The following CTNND1 variants were observed in gnomAD, a reference collection of about 807,000 sequenced individuals.
CTNND1 encodes the protein catenin delta-1.
CTNND1 carries 16 observed loss-of-function variants against 112.1 expected under a neutral mutation model. The observed-to-expected ratio is 0.14, with a 90% CI of 0.10 to 0.22. CTNND1 has a LOEUF of 0.22. Ranked by LOEUF, CTNND1 falls within the 10% of genes least tolerant of loss-of-function variation. The probability of loss-of-function intolerance (pLI) is 1.00; values close to 1 mark genes in which losing one functional copy is unlikely to be tolerated. For synonymous variants in CTNND1, 420 were observed against 446.5 expected, an observed-to-expected ratio of 0.94 and a Z score of 0.75; for missense variants, 1,008 against 1,257.0, an observed-to-expected ratio of 0.80 and a Z score of 3.00.
chr11:57,816,437 C>T lies in CTNND1; in HGVS notation c.*129C>T. 3 of 1,139,412 alleles carry T rather than the reference C, an allele frequency of 2.6e-6. No homozygotes were observed. In the South Asian group the frequency reaches 3.9e-5, roughly 15 times the overall value. 70.6% of individuals were successfully genotyped at this position (1,139,412 alleles called of 1,614,324 possible). ...GCCAGGCTGCCTCCTGCCCTTACAG[C>T]CCTAAGTGGCTGCCTTCTTTCCATC... On this transcript the variant is annotated 3_prime_UTR_variant, in exon 21 of 21. Transcript: ENST00000399050.
At chr11:57,792,812 C>A (rs2060911431) in intron 3 of CTNND1, among the ~76,000 whole-genome samples, 1 of 149,358 alleles carries the variant, frequency 6.7e-6, no homozygotes, top group Non-Finnish European at 1.5e-5. Flanking sequence ...TACGCGTGAG[C>A]TACTGCACCC....
intron 1 of CTNND1, among the ~76,000 whole-genome samples, chr11:57,786,096 G>A (rs1241740633): frequency 6.6e-6 from 1 of 151,810 alleles, no homozygotes; most frequent in African/African-American, 2.4e-5. Context: ...CTTATTGAGA[G>A]TAAAACTAGG....
rs139700209 is a variant in CTNND1, at chr11:57,797,061, A to C, written c.956+69A>C. ...GGGACAAGGGGTAGCTTTTCCTTCA[A>C]CTTCTAGGGGCTTTTTGGGATCAGA... On this transcript the variant is annotated intron_variant, in intron 6 of 20. Coordinates refer to ENST00000399050, the MANE Select transcript of CTNND1 (RefSeq NM_001085458.2). The C allele has an allele frequency of 3.8e-6, 5 of 1,331,446 alleles. No individual in the cohort carries two copies. In the East Asian group the frequency reaches 1.2e-4, roughly 33 times the overall value. The allele number at this position is 1,331,446 out of a possible 1,614,324, so 82.5% of individuals were successfully genotyped here. A position where few individuals can be genotyped will look rare whatever the true frequency, so the allele number is the denominator to read the frequency against.
intron 18 of CTNND1, 44 bp downstream of exon 18, chr11:57,814,417 C>G (rs1337001555): frequency 1.4e-6 from 2 of 1,465,742 alleles, no homozygotes; most frequent in Admixed American, 3.6e-5. Context: ...TAATATTTCA[C>G]TGGCTAAGGA....
Position 57,804,720 on chromosome 11 carries a change from A to G in CTNND1, c.1662A>G (p.Leu554=). 2 of 1,613,956 alleles carry G rather than the reference A, an allele frequency of 1.2e-6. No individual in the cohort carries two copies. Among genetic ancestry groups the G allele is most frequent in the Non-Finnish European group, 1.7e-6 (2 of 1,179,852 alleles). ...ARRKLRECDG[L]VDALIFIVQA... Reference sequence around the variant, plus strand: ...GGAAACTTCGGGAATGTGATGGTTTAGTTGATGCCCTCATTTTCATTGTTC... The same window carrying G: ...GGAAACTTCGGGAATGTGATGGTTTGGTTGATGCCCTCATTTTCATTGTTC... Residue 554 remains leucine (L), a synonymous_variant, in exon 9 of 21, where the codon TTA becomes TTG. Coordinates refer to ENST00000399050, the MANE Select transcript of CTNND1 (RefSeq NM_001085458.2).
chr11:57,775,345 AAC>A (rs1407770841), intron 1 of CTNND1, among the ~76,000 whole-genome samples: 19 of 138,136 alleles, frequency 1.4e-4, no homozygotes, highest in Admixed American at 9.2e-4. Flanking sequence ...AAAAAAAAAA[AAC>A]AACACACACA....
At chr11:57,784,981 G>A (rs1188667866) in intron 1 of CTNND1, among the ~76,000 whole-genome samples, 1 of 152,174 alleles carries the variant, frequency 6.6e-6, no homozygotes, top group Non-Finnish European at 1.5e-5. Flanking sequence ...ACCATGAAGA[G>A]TAATAGAAAT....
chr11:57,766,022 G>A lies in CTNND1; in HGVS notation c.-214+3903G>A, dbSNP rs978110095. 2.0e-5 allele frequency among the ~76,000 whole-genome samples: 3 copies of A among 152,096 alleles called. No homozygotes were observed. In the South Asian group the frequency reaches 6.2e-4, roughly 32 times the overall value. On this transcript the variant is annotated intron_variant, in intron 1 of 20. Coordinates refer to ENST00000399050, the MANE Select transcript of CTNND1 (RefSeq NM_001085458.2). ...TAGCTGGGCGTGGTGGCATGTACCCGTAGTCCTAGCTACTGGTTGCAGCAA... is the reference window on the plus strand; with the variant it reads ...TAGCTGGGCGTGGTGGCATGTACCCATAGTCCTAGCTACTGGTTGCAGCAA...
Position 57,816,487 on chromosome 11 carries a change from TTTAA to T in CTNND1, c.*182_*185del. The T allele has an allele frequency of 1.4e-6, 1 of 695,864 alleles. No individual in the cohort carries two copies. Among genetic ancestry groups the T allele is most frequent in the Non-Finnish European group, 2.5e-6 (1 of 404,248 alleles). 43.1% of individuals were successfully genotyped at this position (695,864 alleles called of 1,614,324 possible). ...CAACTCCCAACTTCTTCCTGTGAAG[TTTAA>T]TTGTCTCAACGCCTCCCCCTCCCCC... is the stretch of plus-strand genomic sequence containing the variant. On this transcript the variant is annotated 3_prime_UTR_variant, in exon 21 of 21. Coordinates refer to ENST00000399050, the MANE Select transcript of CTNND1 (RefSeq NM_001085458.2).
intron 19 of CTNND1, 81 bp from the exon 20 acceptor site, chr11:57,815,834 T>G: frequency 1.2e-5 from 15 of 1,239,942 alleles, no homozygotes; most frequent in Non-Finnish European, 1.7e-5. Context: ...AGTTTACAAA[T>G]TTTCAGAGTT....
intron 1 of CTNND1, among the ~76,000 whole-genome samples, chr11:57,762,688 A>T (rs902458747): frequency 6.6e-6 from 1 of 152,058 alleles, no homozygotes; most frequent in Non-Finnish European, 1.5e-5. Context: ...TGGGAGCCTC[A>T]TTCTCCTGCT....
intron 7 of CTNND1, among the ~76,000 whole-genome samples, chr11:57,803,283 A>G (rs1310969869): frequency 1.3e-5 from 2 of 151,930 alleles, no homozygotes; most frequent in Admixed American, 6.6e-5. Context: ...AATTTTTTGT[A>G]TTTTTAGTGT....
chr11:57,807,762 G>A (rs556701339), intron 12 of CTNND1, among the ~76,000 whole-genome samples: 4 of 152,046 alleles, frequency 2.6e-5, no homozygotes, highest in Non-Finnish European at 5.9e-5. Flanking sequence ...GACCCTTGTA[G>A]TAATCGCAGA....
chr11:57,799,515 A>G (rs1029646035), intron 6 of CTNND1, among the ~76,000 whole-genome samples: 2 of 152,226 alleles, frequency 1.3e-5, no homozygotes, highest in African/African-American at 2.4e-5. Context: ...ACAAGGTCAA[A>G]CTTAAACAGT....
At chr11:57,803,203 G>T (rs776279888) in intron 7 of CTNND1, among the ~76,000 whole-genome samples, 70 of 152,180 alleles carry the variant, frequency 4.6e-4, no homozygotes, top group Non-Finnish European at 8.8e-4. Flanking sequence ...CGCCTCATGG[G>T]TTCACGCCAT....
chr11:57,780,548 G>T (rs771781352), intron 1 of CTNND1, among the ~76,000 whole-genome samples: 22 of 152,176 alleles, frequency 1.4e-4, no homozygotes, highest in Admixed American at 3.3e-4. Flanking sequence ...TACCTCAGCA[G>T]GTGTTGAAAG....
At position 57,814,307 on chromosome 11, in the gene CTNND1, A is replaced by G; in HGVS notation, c.2639-4A>G. On this transcript the variant is annotated splice_polypyrimidine_tract_variant and splice_region_variant and intron_variant, in intron 17 of 20. Coordinates refer to ENST00000399050, the MANE Select transcript of CTNND1 (RefSeq NM_001085458.2). Reference sequence around the variant, plus strand: ...GACATGGATAACTTTCTGACTTCATACAGATAAGAAACCTGATCGGGAAGA... The same window carrying G: ...GACATGGATAACTTTCTGACTTCATGCAGATAAGAAACCTGATCGGGAAGA... The G allele has an allele frequency of 6.2e-7, 1 of 1,609,390 alleles. No individual in the cohort carries two copies. Among genetic ancestry groups the G allele is most frequent in the Non-Finnish European group, 8.5e-7 (1 of 1,177,098 alleles).
chr11:57,794,859 C>G (rs2061181857), intron 4 of CTNND1, among the ~76,000 whole-genome samples: 4 of 149,352 alleles, frequency 2.7e-5, no homozygotes, highest in Admixed American at 2.7e-4. Flanking sequence ...CTTTGGGAGG[C>G]CAAGGCAGAG....
chr11:57,790,721 C>A (rs12276535), intron 2 of CTNND1, among the ~76,000 whole-genome samples: 4 of 138,338 alleles, frequency 2.9e-5, no homozygotes, highest in Non-Finnish European at 6.2e-5. Context: ...CCACGCCCGG[C>A]CTTTTTTTGT....
Sources: gnomAD v4.1 joint callset for allele counts (sites outside exome capture counted in the v4.1 genomes callset) on GRCh38, gnomAD v4.1.1 for gene constraint, MANE v1.5 for transcripts, NCBI Gene and HGNC (gene_info 2026-07-23, HGNC 2026-07-21) for gene names.